Variants in TTC19 observed in about 807,000 individuals in gnomAD.
TTC19 encodes the protein tetratricopeptide repeat domain 19.
Under a neutral mutation model 49.5 loss-of-function variants are expected in TTC19, and 38 were observed. That is an observed-to-expected ratio of 0.77 (90% CI 0.59 to 1.01). The LOEUF (loss-of-function observed/expected upper bound fraction) is 1.01. Ranked by LOEUF, TTC19 falls within the 50% of genes least tolerant of loss-of-function variation. The pLI is 0.00. For synonymous variants in TTC19, 204 were observed against 185.2 expected, an observed-to-expected ratio of 1.10 and a Z score of -0.83; for missense variants, 475 against 477.7, an observed-to-expected ratio of 0.99 and a Z score of 0.05.
At chr17:16,034,982 A>C (rs779199667) in intron 2 of TTC19, 1 of 1,588,294 alleles carries the variant, frequency 6.3e-7, no homozygotes, top group Non-Finnish European at 8.6e-7. Context: ...TAATATATTA[A>C]GTTCTCAAAA....
At chr17:16,005,325 C>G (rs1056186028) in intron 6 of TTC19, among the ~76,000 whole-genome samples, 2 of 152,152 alleles carry the variant, frequency 1.3e-5, no homozygotes, top group Non-Finnish European at 2.9e-5. Context: ...TCCACTTGCC[C>G]TGTGTTATGG....
At chr17:16,001,752 C>G (rs1429239520) in intron 2 of TTC19, among the ~76,000 whole-genome samples, 163 bp from the exon 3 acceptor site, 1 of 152,214 alleles carries the variant, frequency 6.6e-6, no homozygotes, top group Non-Finnish European at 1.5e-5. Context: ...TCCCTGTCAT[C>G]TCTGTAGACA....
intron 3 of TTC19, 193 bp from the exon 4 acceptor site, chr17:16,002,600 A>G (rs949339649): frequency 1.1e-5 from 7 of 621,468 alleles, no homozygotes; most frequent in Non-Finnish European, 1.7e-5. Flanking sequence ...GTTAACAACA[A>G]AGTATGTGCA....
chr17:16,011,700 G>A (rs1010521750), intron 7 of TTC19, among the ~76,000 whole-genome samples: 3 of 152,204 alleles, frequency 2.0e-5, no homozygotes, highest in Non-Finnish European at 2.9e-5. Context: ...AAAGGACTGT[G>A]TTAATTTACA....
chr17:16,042,458 G>A (rs530852520), intron 2 of TTC19, among the ~76,000 whole-genome samples: 3 of 152,308 alleles, frequency 2.0e-5, no homozygotes, highest in Admixed American at 6.5e-5. Context: ...TTTGCTAATG[G>A]AGCTTACAGT....
At chr17:16,042,862 G>A (rs1049352590) in intron 2 of TTC19, among the ~76,000 whole-genome samples, 2 of 152,202 alleles carry the variant, frequency 1.3e-5, no homozygotes, top group African/African-American at 4.8e-5. Context: ...GCAAAGATAT[G>A]TAAGTAGAGC....
rs563003549 is a variant in TTC19, at chr17:16,003,287, G to GT, written c.462+458dup. Reference sequence around the variant, plus strand: ...TTTTTTTAAGATAAGGTCTTGCTCTGTTGCCCAGGTTGGAGTGCGGTGGCT... The same window carrying GT: ...TTTTTTTAAGATAAGGTCTTGCTCTGTTTGCCCAGGTTGGAGTGCGGTGGCT... On this transcript the variant is annotated intron_variant, in intron 4 of 9. Coordinates refer to ENST00000261647, the MANE Select transcript of TTC19 (RefSeq NM_017775.4). 1.6e-3 allele frequency among the ~76,000 whole-genome samples: 237 copies of GT among 152,084 alleles called. 2 individuals are homozygous for GT. Among genetic ancestry groups the GT allele is most frequent in the African/African-American group, 5.2e-3 (216 of 41,474 alleles).
At chr17:16,040,254 G>A in intron 2 of TTC19, 1 of 685,492 alleles carries the variant, frequency 1.5e-6, no homozygotes, top group South Asian at 1.5e-5. Flanking sequence ...CTTTTCAATA[G>A]GTATTTACTG....
intron 2 of TTC19, chr17:16,040,537 C>T (rs982801959): frequency 5.2e-6 from 8 of 1,532,074 alleles, no homozygotes; most frequent in Non-Finnish European, 7.2e-6. Flanking sequence ...ATGTGATAAT[C>T]ATATATACCA....
At chr17:16,021,747 A>C (rs1971391339) in intron 7 of TTC19, among the ~76,000 whole-genome samples, 2 of 152,160 alleles carry the variant, frequency 1.3e-5, no homozygotes, top group Non-Finnish European at 2.9e-5. Flanking sequence ...TGATTTTCTA[A>C]AATTTTGGGG....
chr17:16,034,037 G>A (rs181209457), downstream of TTC19, among the ~76,000 whole-genome samples: 1 of 152,268 alleles, frequency 6.6e-6, no homozygotes, highest in African/African-American at 2.4e-5. Context: ...TTCTAATTTT[G>A]ATTTCTTAGT....
intron 1 of TTC19, 34 bp downstream of exon 1, chr17:16,000,066 C>A: frequency 1.5e-6 from 2 of 1,317,104 alleles, no homozygotes; most frequent in Non-Finnish European, 1.9e-6. Flanking sequence ...GCCGGCCGGG[C>A]GGGGACAGGG....
intron 7 of TTC19, among the ~76,000 whole-genome samples, chr17:16,022,814 TGAGTA>T (rs1015805684): frequency 3.9e-5 from 6 of 152,210 alleles, no homozygotes; most frequent in African/African-American, 1.4e-4. Flanking sequence ...CTTCATGGAC[TGAGTA>T]TAGTAGCGTA....
At chr17:16,031,063 TAATG>T (rs1971892495), downstream of TTC19, 1 of 192,630 alleles carries the variant, frequency 5.2e-6, no homozygotes, top group South Asian at 1.9e-4. Context: ...AAGCAATTCT[TAATG>T]AAAGATAAAA....
At chr17:16,023,703 T>TA (rs1971454410) in intron 7 of TTC19, 1 of 152,208 alleles carries the variant, frequency 6.6e-6, no homozygotes, top group Non-Finnish European at 1.5e-5. Context: ...ACACTTTTAA[T>TA]AGTTTATTTT....
rs1015251587 is a variant in TTC19, at chr17:16,028,297, A to G, written c.*775A>G. 3 of 454,036 alleles carry G rather than the reference A, an allele frequency of 6.6e-6. No homozygotes were observed. Among genetic ancestry groups the G allele is most frequent in the African/African-American group, 6.0e-5 (3 of 50,026 alleles). 28.1% of individuals were successfully genotyped at this position (454,036 alleles called of 1,614,324 possible). ...GTCATCTCAAGTACTCTTTAAGGAC[A>G]CACAGCCCAGGCTGTTCTGAGTCAG... On this transcript the variant is annotated 3_prime_UTR_variant, in exon 10 of 10. Coordinates refer to ENST00000261647, the MANE Select transcript of TTC19 (RefSeq NM_017775.4).
intron 7 of TTC19, among the ~76,000 whole-genome samples, chr17:16,008,546 T>C (rs188062771): frequency 1.3e-5 from 2 of 152,330 alleles, no homozygotes; most frequent in African/African-American, 4.8e-5. Flanking sequence ...AAGACCTCAG[T>C]ACCTTTGTAT....
At chr17:16,002,362 A>G (rs1970765239) in intron 3 of TTC19, among the ~76,000 whole-genome samples, 1 of 152,050 alleles carries the variant, frequency 6.6e-6, no homozygotes, top group African/African-American at 2.4e-5. Context: ...ATTGTAGTAG[A>G]GACGAGGTTT....
intron 7 of TTC19, among the ~76,000 whole-genome samples, chr17:16,007,613 T>C (rs1485070203): frequency 6.6e-6 from 1 of 152,132 alleles, no homozygotes; most frequent in East Asian, 1.9e-4. Context: ...TACTGCAACA[T>C]TGTGGGTTGA....
Sources: allele counts gnomAD v4.1 joint callset (sites outside exome capture counted in the v4.1 genomes callset), GRCh38; gene constraint gnomAD v4.1.1; transcripts MANE v1.5; gene names NCBI Gene and HGNC (gene_info 2026-07-23, HGNC 2026-07-21).